Variants in PREX1 observed in about 807,000 individuals in gnomAD.
The protein encoded by PREX1 is phosphatidylinositol 3,4,5-trisphosphate-dependent Rac exchanger 1 protein.
PREX1 carries 41 observed loss-of-function variants against 198.3 expected under a neutral mutation model. That is an observed-to-expected ratio of 0.21 (90% CI 0.16 to 0.27). PREX1 has a LOEUF of 0.27. PREX1 is among the 10% of genes least tolerant of loss of function. PREX1 has a pLI of 1.00. For synonymous variants in PREX1, 843 were observed against 887.2 expected, an observed-to-expected ratio of 0.95 and a Z score of 0.89; for missense variants, 1,620 against 2,200.7, an observed-to-expected ratio of 0.74 and a Z score of 5.28.
chr20:48,748,477 CTT>C (rs938267144), intron 1 of PREX1, among the ~76,000 whole-genome samples: 2 of 146,692 alleles, frequency 1.4e-5, no homozygotes, highest in African/African-American at 2.5e-5. Context: ...ACATCTATTC[CTT>C]TTTTTTTTTA....
At position 48,644,424 on chromosome 20, in the gene PREX1, C is replaced by T. The variant is rs747822301; in HGVS notation, c.3586G>A (p.Asp1196Asn). 4 of 1,613,790 alleles carry T rather than the reference C, an allele frequency of 2.5e-6. No individual in the cohort carries two copies. Among genetic ancestry groups the T allele is most frequent in the Non-Finnish European group, 3.4e-6 (4 of 1,179,790 alleles). Residue 1196 changes from aspartate to asparagine, a missense_variant, in exon 27 of 40, where the codon GAC (aspartate) becomes AAC (asparagine). By Grantham distance (23) the Asp-to-Asn change is conservative. This residue lies in a region of PREX1 where 9 missense variants were observed against 31.6 expected (regional missense o/e 0.29). Transcript: ENST00000371941. ...CTCCACTCACCAGACCCCATCTCGT[C>T]GCTGCCCAAGTAGGAGCTGTTACTT... ...VRSNSSYLGSDEMGSGDELPC... is the reference protein window; with the variant it reads ...VRSNSSYLGSNEMGSGDELPC...
intron 3 of PREX1, among the ~76,000 whole-genome samples, chr20:48,743,878 C>T (rs742644): frequency 0.17 from 25,794 of 152,046 alleles, 3,079 homozygotes; most frequent in East Asian, 0.53. Flanking sequence ...GTAGTCTGCA[C>T]GCCTGATCGC....
At position 48,651,459 on chromosome 20, in the gene PREX1, G is replaced by A. The variant is rs1432252133; in HGVS notation, c.2592C>T (p.Gly864=). 5.6e-6 allele frequency: 9 copies of A among 1,614,048 alleles called. No individual in the cohort carries two copies. Among genetic ancestry groups the A allele is most frequent in the East Asian group, 2.2e-5 (1 of 44,878 alleles). Residue 864 remains glycine (G), a synonymous_variant, in exon 22 of 40, where the codon GGC becomes GGT. Coordinates refer to ENST00000371941, the MANE Select transcript of PREX1 (RefSeq NM_020820.4). The part of the protein sequence containing the change: ...GVVYEYVSTA[G]VRCHVLEKIV... ...TCTTCTCCAGCACATGGCACCTGAC[G>A]CCTGCCGTGCTCACATACTCATACA...
chr20:48,655,188 G>T, intron 19 of PREX1, 102 bp downstream of exon 19: 1 of 1,179,868 alleles, frequency 8.5e-7, no homozygotes, highest in Non-Finnish European at 1.2e-6. Context: ...ATGGTACATT[G>T]TCTGGCAGAA....
Position 48,639,809 on chromosome 20 carries a change from G to A in PREX1, c.3861C>T (p.Asn1287=), listed in dbSNP as rs1347892930. 6.2e-7 allele frequency: 1 copy of A among 1,614,156 alleles called. No individual in the cohort carries two copies. Among genetic ancestry groups the A allele is most frequent in the Admixed American group, 1.7e-5 (1 of 60,028 alleles). Residue 1287 remains asparagine (N), a synonymous_variant, in exon 30 of 40, where the codon AAC becomes AAT. Transcript: ENST00000371941. ...SIQEDPWNLP[N]SIKTLVDNIQ... is the part of the protein sequence containing the mutation. ...TGTTGTCCACCAGGGTCTTGATGGA[G>A]TTGGGGAGGTTCCAGGGGTCCTCCT...
intron 3 of PREX1, among the ~76,000 whole-genome samples, chr20:48,744,178 A>C (rs1285014929): frequency 6.6e-6 from 1 of 152,100 alleles, no homozygotes; most frequent in African/African-American, 2.4e-5. Flanking sequence ...ACTTACTAGA[A>C]ACCAGTAGCA....
intron 1 of PREX1, among the ~76,000 whole-genome samples, chr20:48,750,692 T>C (rs942207014): frequency 8.5e-5 from 13 of 152,200 alleles, no homozygotes; most frequent in Non-Finnish European, 1.9e-4. Context: ...CTCTTCTTAA[T>C]GCAAACTCCT....
At position 48,653,597 on chromosome 20, in the gene PREX1, G is replaced by A. The variant is rs574701771; in HGVS notation, c.2210-100C>T. ...CCCACCACTGCAACCCCAGACACGC[G>A]CAAGGACTCCACCTCCACCCCTCCC... On this transcript the variant is annotated intron_variant, in intron 19 of 39. Transcript: ENST00000371941. 6.9e-6 allele frequency: 10 copies of A among 1,455,076 alleles called. No homozygotes were observed. The African/African-American group carries it at 8.3e-5, about 12-fold the overall frequency. The allele number at this position is 1,455,076 out of a possible 1,614,324, so 90.1% of individuals were successfully genotyped here.
chr20:48,625,812 G>A lies in PREX1; in HGVS notation c.*73C>T. 1.4e-6 allele frequency: 2 copies of A among 1,455,236 alleles called. No individual in the cohort carries two copies. The highest frequency in any genetic ancestry group is 9.2e-7 in the Non-Finnish European group (1 of 1,084,088). The allele number at this position is 1,455,236 out of a possible 1,614,324, so 90.1% of individuals were successfully genotyped here. A position where few individuals can be genotyped will look rare whatever the true frequency, so the allele number is the denominator to read the frequency against. ...AAGCCTTGGGCCATCCCTGGAGAAG[G>A]CCAGCGCTGCCTGCTGTGTCCTCCC... On this transcript the variant is annotated 3_prime_UTR_variant, in exon 40 of 40. Transcript: ENST00000371941.
At chr20:48,724,113 T>C (rs139742824) in intron 5 of PREX1, among the ~76,000 whole-genome samples, 5 of 152,326 alleles carry the variant, frequency 3.3e-5, no homozygotes, top group East Asian at 3.9e-4. Flanking sequence ...TCCAGCACTT[T>C]GGCAGTTTAA....
At chr20:48,717,851 T>C (rs1161333486) in intron 5 of PREX1, among the ~76,000 whole-genome samples, 1 of 152,234 alleles carries the variant, frequency 6.6e-6, no homozygotes, top group Non-Finnish European at 1.5e-5. Context: ...ATGTGCTGTG[T>C]GACCTTGGAC....
Position 48,708,416 on chromosome 20 carries a change from C to T in PREX1, c.627G>A (p.Leu209=). 3 of 1,614,072 alleles carry T rather than the reference C, an allele frequency of 1.9e-6. No homozygotes were observed. The highest frequency in any genetic ancestry group is 2.5e-6 in the Non-Finnish European group (3 of 1,179,994). Residue 209 remains leucine (L), a synonymous_variant, in exon 6 of 40, where the codon CTG becomes CTA. Coordinates refer to ENST00000371941, the MANE Select transcript of PREX1 (RefSeq NM_020820.4). ...GGTGCTTGCCGGGAGTCCTCTTGGC[C>T]AGCTCCTGGGGTAGAATAGAGGTGG... ...ICKYPLLLKE[L]AKRTPGKHPD... is the part of the protein sequence containing the mutation.
rs753748560 is a variant in PREX1 at position 48,650,005 on chromosome 20, G to C, written c.3019C>G (p.Pro1007Ala). The C allele has an allele frequency of 1.5e-5, 24 of 1,613,942 alleles. No homozygotes were observed. Among genetic ancestry groups the C allele is most frequent in the Admixed American group, 3.3e-5 (2 of 60,014 alleles). The part of the protein sequence containing the change: ...GRKPSLIGLD[P>A]EQGHLNPMSY... ...AGACACACACAGGTACCTTGCTCCG[G>C]GTCAAGGCCGATGAGGGAGGGTTTG... Residue 1007 changes from proline (P) to alanine (A), a missense_variant, in exon 24 of 40, where the codon CCG (proline) becomes GCG (alanine). Pro to Ala is a conservative substitution (Grantham distance 27). Around this residue, in one of 7 missense-constraint regions of PREX1, gnomAD observed 514 missense variants for 611.6 expected, o/e 0.84. Transcript: ENST00000371941.
chr20:48,742,267 C>T (rs917821844), intron 3 of PREX1, among the ~76,000 whole-genome samples: 16 of 152,268 alleles, frequency 1.1e-4, no homozygotes, highest in African/African-American at 2.6e-4. Context: ...TGCCAGAAAG[C>T]GCTGGATCAC....
chr20:48,878,898 A>T, the PREX1 span, among the ~76,000 whole-genome samples: 1 of 152,216 alleles, frequency 6.6e-6, no homozygotes. Flanking sequence ...GTATGTTGAT[A>T]TTATTAGAAG....
intron 2 of PREX1, among the ~76,000 whole-genome samples, chr20:48,745,532 C>T (rs1258233268): frequency 6.6e-6 from 1 of 152,192 alleles, no homozygotes; most frequent in African/African-American, 2.4e-5. Context: ...ACATTCATCA[C>T]AGTCAGACAC....
At chr20:48,640,925 G>A (rs1417562040) in intron 29 of PREX1, among the ~76,000 whole-genome samples, 5 of 151,658 alleles carry the variant, frequency 3.3e-5, no homozygotes, top group Non-Finnish European at 7.4e-5. Context: ...TAAGTGGGTA[G>A]TTGGGTGGAG....
upstream of PREX1, among the ~76,000 whole-genome samples, chr20:48,832,071 G>A (rs994355709): frequency 6.6e-6 from 1 of 151,598 alleles, no homozygotes; most frequent in African/African-American, 2.4e-5. Context: ...TGAAACAGCC[G>A]GCAGCTGGGT....
At chr20:48,761,533 C>T (rs1052211476) in intron 1 of PREX1, among the ~76,000 whole-genome samples, 2 of 152,116 alleles carry the variant, frequency 1.3e-5, no homozygotes, top group Non-Finnish European at 2.9e-5. Context: ...CACCCCGCCC[C>T]GTTCCCCACC....
Sources: allele counts gnomAD v4.1 joint callset (sites outside exome capture counted in the v4.1 genomes callset), GRCh38; gene constraint gnomAD v4.1.1; regional missense constraint gnomAD v4.1.1; transcripts MANE v1.5; gene names NCBI Gene and HGNC (gene_info 2026-07-23, HGNC 2026-07-21).